Variants in RASA3 observed in about 807,000 individuals in gnomAD.
The protein encoded by RASA3 is RAS p21 protein activator 3, also known as ras GTPase-activating protein 3.
RASA3 carries 73 observed loss-of-function variants against 110.0 expected under a neutral mutation model. That is an observed-to-expected ratio of 0.66 (90% CI 0.55 to 0.81). The LOEUF (loss-of-function observed/expected upper bound fraction) is 0.81. Among genes scored for constraint, RASA3 ranks in the 30% least tolerant of loss-of-function variants. The pLI is 0.00. For synonymous variants in RASA3, 500 were observed against 451.4 expected, an observed-to-expected ratio of 1.11 and a Z score of -1.37; for missense variants, 976 against 1,113.2, an observed-to-expected ratio of 0.88 and a Z score of 1.75.
intron 2 of RASA3, among the ~76,000 whole-genome samples, chr13:114,061,512 T>C (rs1327218483): frequency 1.6e-5 from 2 of 124,270 alleles, no homozygotes; most frequent in Non-Finnish European, 3.2e-5. Flanking sequence ...CTACTAAAAA[T>C]ACAAAAAAAA....
At chr13:114,132,247 G>A (rs2080530356) in intron 1 of RASA3, among the ~76,000 whole-genome samples, 188 bp downstream of exon 1, 1 of 152,144 alleles carries the variant, frequency 6.6e-6, no homozygotes, top group African/African-American at 2.4e-5. Flanking sequence ...GACCCAGCCC[G>A]AGGCCCGGGG....
At chr13:114,000,717 C>T (rs1330614502) in intron 19 of RASA3, 109 bp downstream of exon 19, 16 of 853,130 alleles carry the variant, frequency 1.9e-5, no homozygotes, top group Non-Finnish European at 2.7e-5. Context: ...GGGCTCTGCC[C>T]GCAGCACTGA....
intron 2 of RASA3, among the ~76,000 whole-genome samples, chr13:114,060,231 G>A (rs990165107): frequency 1.3e-5 from 2 of 152,210 alleles, no homozygotes; most frequent in Non-Finnish European, 2.9e-5. Context: ...GCTGGGAGCC[G>A]AGGTCAGAGG....
At chr13:114,032,569 T>A (rs2054189198) in intron 4 of RASA3, among the ~76,000 whole-genome samples, 1 of 151,938 alleles carries the variant, frequency 6.6e-6, no homozygotes. Flanking sequence ...GGTCAGGGAG[T>A]GGAACATAAA....
Position 114,014,020 on chromosome 13 carries a change from A to ATC in RASA3, c.1406-774_1406-773dup, listed in dbSNP as rs71210910. ...TCTCCGTCTGTCTCTGTCTCTCTCC[A>ATC]TCTCTCTCTCTCCGTCTCTATCTCT... On this transcript the variant is annotated intron_variant, in intron 14 of 23. Coordinates refer to ENST00000334062, the MANE Select transcript of RASA3 (RefSeq NM_007368.4). The surrounding 1 kb of genome is among the most constrained non-coding windows in gnomAD (Gnocchi z 4.5). Among the ~76,000 whole-genome samples the ATC allele has an allele frequency of 2.5e-5, 1 of 40,602 alleles. No individual in the cohort carries two copies. Among genetic ancestry groups the ATC allele is most frequent in the African/African-American group, 2.0e-4 (1 of 5,106 alleles). 26.6% of individuals were successfully genotyped at this position (40,602 alleles called of 152,430 possible). A position where few individuals can be genotyped will look rare whatever the true frequency, so the allele number is the denominator to read the frequency against.
chr13:114,093,816 T>A (rs2079913719), intron 1 of RASA3, among the ~76,000 whole-genome samples: 1 of 152,190 alleles, frequency 6.6e-6, no homozygotes, highest in African/African-American at 2.4e-5. Flanking sequence ...CCTCCTTCTA[T>A]TTGATCAGTT....
At chr13:114,023,604 C>T (rs985459414) in intron 8 of RASA3, among the ~76,000 whole-genome samples, 1 of 152,254 alleles carries the variant, frequency 6.6e-6, no homozygotes, top group Non-Finnish European at 1.5e-5. Context: ...GACGCCTGCC[C>T]TCCCCAGAAC....
intron 1 of RASA3, among the ~76,000 whole-genome samples, chr13:114,106,981 C>T (rs2080142791): frequency 6.6e-6 from 1 of 152,226 alleles, no homozygotes; most frequent in South Asian, 2.1e-4. Flanking sequence ...ACTCTTTTCC[C>T]TCCCTCAGCC....
At chr13:113,984,178 A>AC (rs1402597400) in intron 22 of RASA3, among the ~76,000 whole-genome samples, 1 of 66,518 alleles carries the variant, frequency 1.5e-5, no homozygotes, top group African/African-American at 4.9e-5. Context: ...CCCATCACTC[A>AC]CCCCTCAGTC....
chr13:114,090,016 G>A (rs1480830226), intron 1 of RASA3, among the ~76,000 whole-genome samples: 6 of 152,178 alleles, frequency 3.9e-5, no homozygotes, highest in Admixed American at 6.5e-5. Flanking sequence ...TTCATGTCAC[G>A]GATGGAACGC....
chr13:114,043,337 T>G (rs1420949834), intron 3 of RASA3, among the ~76,000 whole-genome samples: 1 of 152,144 alleles, frequency 6.6e-6, no homozygotes, highest in African/African-American at 2.4e-5. Context: ...TGCTGACACC[T>G]GCCATGCACG....
chr13:114,076,832 G>A (rs1211175150), intron 1 of RASA3, among the ~76,000 whole-genome samples: 3 of 152,168 alleles, frequency 2.0e-5, no homozygotes, highest in Admixed American at 2.0e-4. Flanking sequence ...TTCTGCAGCA[G>A]ATAGAAGTCC....
rs1307571440 is a variant in RASA3 at position 114,014,085 on chromosome 13, CCT to C, written c.1406-839_1406-838del. 1.7e-5 allele frequency among the ~76,000 whole-genome samples: 2 copies of C among 120,960 alleles called. No individual in the cohort carries two copies. The highest frequency in any genetic ancestry group is 3.7e-5 in the Non-Finnish European group (2 of 54,094). The allele number at this position is 120,960 out of a possible 152,430, so 79.4% of individuals were successfully genotyped here. ...CTGCCTCTCTCTCCGTCTGTCTCTG[CCT>C]CTCTCTCCGTCTCTCCCTGTCTCTC... On this transcript the variant is annotated intron_variant, in intron 14 of 23. Transcript: ENST00000334062. This position sits in a 1 kb window ranked among gnomAD's most constrained non-coding sequence, Gnocchi z 4.5.
chr13:113,995,058 T>C (rs976554917), intron 21 of RASA3, among the ~76,000 whole-genome samples: 1 of 152,244 alleles, frequency 6.6e-6, no homozygotes, highest in African/African-American at 2.4e-5. Flanking sequence ...GCTCCCGAGC[T>C]GTCCGGCCTC....
intron 1 of RASA3, among the ~76,000 whole-genome samples, chr13:114,104,439 C>G (rs2080106615): frequency 6.6e-6 from 1 of 152,170 alleles, no homozygotes; most frequent in Admixed American, 6.5e-5. Context: ...AGGCTCAGTC[C>G]ACAGCCCATA....
At chr13:114,017,469 C>A (rs757659719) in intron 11 of RASA3, 118 bp from the exon 12 acceptor site, 5 of 802,532 alleles carry the variant, frequency 6.2e-6, no homozygotes, top group Non-Finnish European at 1.1e-5. Flanking sequence ...GCCCATCAGT[C>A]GGCTTCCTGA....
rs549240614 is a variant in RASA3 at position 114,120,778 on chromosome 13, TCTC to T, written c.55+11654_55+11656del. 7.9e-4 allele frequency among the ~76,000 whole-genome samples: 120 copies of T among 152,352 alleles called. 2 individuals carry two copies. Among genetic ancestry groups the T allele is most frequent in the African/African-American group, 2.8e-3 (118 of 41,572 alleles). On this transcript the variant is annotated intron_variant, in intron 1 of 23. Coordinates refer to ENST00000334062, the MANE Select transcript of RASA3 (RefSeq NM_007368.4). ...ATCTAGAAGTGATCAAACACTCTCT[TCTC>T]CTGACTTCCTGTCACCAGGCACGGG...
chr13:114,029,241 A>G (rs76537622), intron 5 of RASA3, among the ~76,000 whole-genome samples: 238 of 13,176 alleles, frequency 0.018, 39 homozygotes, highest in Non-Finnish European at 0.022. Context: ...CTAAAACGGC[A>G]TCATCCTGGG....
chr13:114,041,845 T>C (rs768537798), intron 3 of RASA3, among the ~76,000 whole-genome samples: 2 of 152,148 alleles, frequency 1.3e-5, no homozygotes, highest in Non-Finnish European at 2.9e-5. Flanking sequence ...CTGGGACCCC[T>C]GGAGAGCCTG....
Sources: gnomAD v4.1 joint callset for allele counts (sites outside exome capture counted in the v4.1 genomes callset) on GRCh38, gnomAD v4.1.1 for gene constraint, Gnocchi (gnomAD v3.1) non-coding constraint, MANE v1.5 for transcripts, NCBI Gene and HGNC (gene_info 2026-07-23, HGNC 2026-07-21) for gene names.